Variants in CSNK1G1 observed in about 807,000 individuals in gnomAD.
CSNK1G1 encodes the protein casein kinase I isoform gamma-1.
Under a neutral mutation model 59.6 loss-of-function variants are expected in CSNK1G1, and 22 were observed. The observed-to-expected ratio is 0.37, with a 90% CI of 0.26 to 0.53. The LOEUF (loss-of-function observed/expected upper bound fraction) is 0.53. CSNK1G1 is among the 20% of genes least tolerant of loss of function. The pLI is 0.89. For synonymous variants in CSNK1G1, 179 were observed against 177.1 expected, an observed-to-expected ratio of 1.01 and a Z score of -0.08; for missense variants, 384 against 519.5, an observed-to-expected ratio of 0.74 and a Z score of 2.54.
At chr15:64,223,358 C>A (rs1751004055) in intron 4 of CSNK1G1, among the ~76,000 whole-genome samples, 1 of 152,186 alleles carries the variant, frequency 6.6e-6, no homozygotes, top group African/African-American at 2.4e-5. Context: ...GGGAGAAGGG[C>A]AGATCCTTAA....
intron 10 of CSNK1G1, among the ~76,000 whole-genome samples, chr15:64,191,427 CT>C (rs2081969107): frequency 6.6e-6 from 1 of 152,050 alleles, no homozygotes; most frequent in Non-Finnish European, 1.5e-5. Flanking sequence ...TACTCATGGG[CT>C]TTTAAAGTTA....
chr15:64,302,249 G>A (rs572098877), intron 1 of CSNK1G1, among the ~76,000 whole-genome samples: 1 of 152,170 alleles, frequency 6.6e-6, no homozygotes, highest in East Asian at 1.9e-4. Context: ...ACAGGTGCCT[G>A]CTACCACACC....
intron 10 of CSNK1G1, among the ~76,000 whole-genome samples, chr15:64,196,079 T>C (rs1324127623): frequency 1.3e-5 from 2 of 152,040 alleles, no homozygotes; most frequent in Non-Finnish European, 2.9e-5. Flanking sequence ...TAGTCAGGTG[T>C]GGTGGCTCAC....
intron 4 of CSNK1G1, among the ~76,000 whole-genome samples, chr15:64,247,561 G>A (rs942957764): frequency 1.3e-5 from 2 of 152,152 alleles, no homozygotes; most frequent in African/African-American, 4.8e-5. Flanking sequence ...AAACAAAGTG[G>A]AATGGAAGAG....
intron 1 of CSNK1G1, among the ~76,000 whole-genome samples, chr15:64,301,742 C>T (rs1023136817): frequency 3.9e-5 from 6 of 152,100 alleles, no homozygotes; most frequent in African/African-American, 1.4e-4. Context: ...TAAAAATTAG[C>T]TGGACGTGGT....
intron 1 of CSNK1G1, among the ~76,000 whole-genome samples, chr15:64,351,059 T>C (rs1246672016): frequency 6.6e-6 from 1 of 152,148 alleles, no homozygotes; most frequent in Non-Finnish European, 1.5e-5. Context: ...ACTGAAGCAG[T>C]TTCTATCAAT....
At chr15:64,293,312 C>A (rs1894841662) in intron 2 of CSNK1G1, among the ~76,000 whole-genome samples, 1 of 152,114 alleles carries the variant, frequency 6.6e-6, no homozygotes, top group Non-Finnish European at 1.5e-5. Context: ...TGAGCAAAGG[C>A]CACATAGAAA....
At chr15:64,173,764 C>T (rs2081706460) in intron 11 of CSNK1G1, among the ~76,000 whole-genome samples, 1 of 151,570 alleles carries the variant, frequency 6.6e-6, no homozygotes, top group South Asian at 2.1e-4. Flanking sequence ...CTGGTGCCCA[C>T]CAGCACACCC....
intron 1 of CSNK1G1, among the ~76,000 whole-genome samples, chr15:64,317,418 C>CT (rs75689768): frequency 0.065 from 9,924 of 151,732 alleles, 328 homozygotes; most frequent in African/African-American, 0.099. Context: ...TTTGTAGAGT[C>CT]TTTATCAGAT....
intron 1 of CSNK1G1, among the ~76,000 whole-genome samples, chr15:64,306,763 T>A (rs1895704763): frequency 6.6e-6 from 1 of 152,024 alleles, no homozygotes; most frequent in Admixed American, 6.6e-5. Flanking sequence ...ATAAACAAAT[T>A]TGTGGTATAG....
intron 4 of CSNK1G1, among the ~76,000 whole-genome samples, chr15:64,225,101 T>C (rs1193870847): frequency 2.0e-5 from 3 of 149,070 alleles, no homozygotes; most frequent in African/African-American, 7.5e-5. Context: ...CTCTACCTCC[T>C]GGGTTCAAGC....
intron 10 of CSNK1G1, chr15:64,195,178 T>G (rs2082023063): frequency 1.3e-5 from 2 of 152,194 alleles, no homozygotes; most frequent in African/African-American, 4.8e-5. Context: ...AAAACACCTA[T>G]GCTACACATA....
chr15:64,211,382 T>C (rs753476551), intron 6 of CSNK1G1, among the ~76,000 whole-genome samples: 33 of 152,270 alleles, frequency 2.2e-4, no homozygotes, highest in South Asian at 4.1e-4. Context: ...TAAAAAGCAG[T>C]GACAACTTTC....
At chr15:64,241,935 T>A (rs62021596) in intron 4 of CSNK1G1, among the ~76,000 whole-genome samples, 17,307 of 148,876 alleles carry the variant, frequency 0.12, 1,593 homozygotes, top group African/African-American at 0.26. Context: ...AAAAAAAAGA[T>A]AGACAAAACC....
chr15:64,266,660 G>C (rs1408056899), intron 2 of CSNK1G1, among the ~76,000 whole-genome samples: 1 of 152,084 alleles, frequency 6.6e-6, no homozygotes, highest in Non-Finnish European at 1.5e-5. Context: ...CATGGCACTG[G>C]CATAAAAACA....
At chr15:64,311,813 G>T (rs958230194) in intron 1 of CSNK1G1, among the ~76,000 whole-genome samples, 2 of 152,064 alleles carry the variant, frequency 1.3e-5, no homozygotes, top group Non-Finnish European at 2.9e-5. Context: ...CTGGGAGGTG[G>T]TGCTTGCAGT....
At chr15:64,289,868 T>C (rs1377544234) in intron 2 of CSNK1G1, among the ~76,000 whole-genome samples, 2 of 152,158 alleles carry the variant, frequency 1.3e-5, no homozygotes, top group African/African-American at 2.4e-5. Context: ...TTGAATGACA[T>C]ACAAATGACC....
rs544244538 is a variant in CSNK1G1 at position 64,289,358 on chromosome 15, C to T, written c.181+10961G>A. ...TGTGTGTCACCTAATGTGGTTAGAACTCTTCATTTCTACTTTATTTTGATG... is the reference window on the plus strand; with the variant it reads ...TGTGTGTCACCTAATGTGGTTAGAATTCTTCATTTCTACTTTATTTTGATG... On this transcript the variant is annotated intron_variant, in intron 2 of 11. Transcript: ENST00000303052. 3.3e-4 allele frequency among the ~76,000 whole-genome samples: 50 copies of T among 152,206 alleles called. No individual in the cohort carries two copies. The South Asian group carries it at 1.0e-2, about 30-fold the overall frequency.
At chr15:64,355,041 G>C (rs1343878343) in intron 1 of CSNK1G1, among the ~76,000 whole-genome samples, 1 of 152,096 alleles carries the variant, frequency 6.6e-6, no homozygotes, top group Non-Finnish European at 1.5e-5. Flanking sequence ...AAAATGAAGA[G>C]GATCTTTCTA....
Sources: allele counts gnomAD v4.1 joint callset (sites outside exome capture counted in the v4.1 genomes callset), GRCh38; gene constraint gnomAD v4.1.1; transcripts MANE v1.5; gene names NCBI Gene and HGNC (gene_info 2026-07-23, HGNC 2026-07-21).